The following CHID1 variants were observed in gnomAD, a reference collection of about 807,000 sequenced individuals.
CHID1 encodes chitinase domain containing 1.
CHID1 carries 44 observed loss-of-function variants against 55.4 expected under a neutral mutation model. That is an observed-to-expected ratio of 0.79 (90% CI 0.62 to 1.02). The LOEUF (loss-of-function observed/expected upper bound fraction) is 1.02. Ranked by LOEUF, CHID1 falls within the 50% of genes least tolerant of loss-of-function variation. CHID1 has a pLI of 0.00. For missense variants in CHID1, 491 were observed against 515.3 expected, an observed-to-expected ratio of 0.95 and a Z score of 0.46; for synonymous variants, 216 against 212.9, an observed-to-expected ratio of 1.01 and a Z score of -0.13.
chr11:876,046 G>C (rs1343949519), intron 10 of CHID1, among the ~76,000 whole-genome samples: 1 of 152,194 alleles, frequency 6.6e-6, no homozygotes, highest in Non-Finnish European at 1.5e-5. Context: ...GCTAATAAGT[G>C]AGATTTCAGC....
At chr11:908,565 G>A (rs950746566) in intron 1 of CHID1, 43 of 985,262 alleles carry the variant, frequency 4.4e-5, no homozygotes, top group Non-Finnish European at 5.1e-5. Context: ...AACGGTGGCT[G>A]CCTCAGCTCC....
At chr11:888,221 A>C (rs942476262) in intron 8 of CHID1, among the ~76,000 whole-genome samples, 1 of 152,212 alleles carries the variant, frequency 6.6e-6, no homozygotes, top group Non-Finnish European at 1.5e-5. Flanking sequence ...TGGTAACACA[A>C]CACGAGGGAA....
intron 4 of CHID1, among the ~76,000 whole-genome samples, chr11:901,192 C>T (rs1851783074): frequency 6.6e-6 from 1 of 152,156 alleles, no homozygotes; most frequent in African/African-American, 2.4e-5. Flanking sequence ...GGCCAAGGCC[C>T]CCTTCCTGAC....
intron 10 of CHID1, chr11:870,756 C>A: frequency 2.2e-6 from 1 of 458,362 alleles, no homozygotes; most frequent in East Asian, 3.8e-5. Flanking sequence ...TTTCAGTGGC[C>A]TGGAGAGTGA....
upstream of CHID1, among the ~76,000 whole-genome samples, chr11:913,499 G>A (rs545551085): frequency 2.1e-4 from 32 of 152,124 alleles, no homozygotes; most frequent in African/African-American, 6.5e-4. Context: ...CAGGCCAGGC[G>A]CAGTGGCTCA....
chr11:897,955 C>G (rs1851501985), intron 7 of CHID1, among the ~76,000 whole-genome samples: 1 of 152,194 alleles, frequency 6.6e-6, no homozygotes, highest in Admixed American at 6.5e-5. Flanking sequence ...CAGGGCTCTT[C>G]TGGAGCCGGG....
intron 2 of CHID1, 104 bp downstream of exon 2, chr11:904,602 C>T (rs939251957): frequency 3.0e-5 from 42 of 1,380,678 alleles, no homozygotes; most frequent in African/African-American, 2.4e-4. Context: ...AGGAGCCAAG[C>T]CCCTCGAGCC....
upstream of CHID1, among the ~76,000 whole-genome samples, chr11:913,959 T>C (rs1852824898): frequency 6.6e-6 from 1 of 151,224 alleles, no homozygotes; most frequent in Non-Finnish European, 1.5e-5. Context: ...TCTCAGCTCC[T>C]CAGGAGGCTG....
At chr11:889,040 G>A (rs1268972599) in intron 8 of CHID1, among the ~76,000 whole-genome samples, 1 of 152,184 alleles carries the variant, frequency 6.6e-6, no homozygotes, top group Non-Finnish European at 1.5e-5. Flanking sequence ...AGGGCCCTGG[G>A]GGTGCACTGC....
upstream of CHID1, chr11:915,197 C>G (rs1852866655): frequency 6.5e-6 from 1 of 152,736 alleles, no homozygotes; most frequent in Non-Finnish European, 1.5e-5. Context: ...AGTGCCAGAG[C>G]CAGCACAGCA....
chr11:888,967 G>A (rs182303906), intron 8 of CHID1, among the ~76,000 whole-genome samples: 3 of 152,310 alleles, frequency 2.0e-5, no homozygotes, highest in East Asian at 1.9e-4. Flanking sequence ...GGCTGGACGC[G>A]CTCTGCTCTT....
At position 903,827 on chromosome 11, in the gene CHID1, GC is replaced by G. The variant is rs1367903254; in HGVS notation, c.112-717del. On this transcript the variant is annotated intron_variant, in intron 2 of 12. Coordinates refer to ENST00000323578, the MANE Select transcript of CHID1 (RefSeq NM_023947.4). Reference sequence around the variant, plus strand: ...ATGCCAGGCACACGCCACCATGCTGGCCAACCACTGCCTGCCACCGCCCCCG... The same window carrying G: ...ATGCCAGGCACACGCCACCATGCTGGCAACCACTGCCTGCCACCGCCCCCG... 13 of 189,692 alleles carry G rather than the reference GC, an allele frequency of 6.9e-5. No homozygotes were observed. The Middle Eastern group carries it at 3.2e-3, about 47-fold the overall frequency. The allele number at this position is 189,692 out of a possible 1,614,324, so 11.8% of individuals were successfully genotyped here.
At chr11:914,789 T>C (rs1852855341), upstream of CHID1, 1 of 345,806 alleles carries the variant, frequency 2.9e-6, no homozygotes, top group Non-Finnish European at 5.7e-6. Flanking sequence ...CCTTTGGGGC[T>C]GGGTTTGTGT....
intron 10 of CHID1, among the ~76,000 whole-genome samples, chr11:874,323 C>T (rs1163008703): frequency 1.3e-5 from 2 of 152,148 alleles, no homozygotes; most frequent in Non-Finnish European, 2.9e-5. Context: ...ATTAGCCAGG[C>T]ATGGTGGCAC....
In CHID1 at chr11:870,182, G is replaced by A. The variant is rs759370428; in HGVS notation, c.1041-19C>T. ...GCGGCTCCTGCAAGACAAAGGGACT[G>A]TCAGCCCATCCGCTCTGCTGGTTCC... is the stretch of plus-strand genomic sequence containing the variant. On this transcript the variant is annotated intron_variant, in intron 11 of 12. Transcript: ENST00000323578. 3 of 1,613,120 alleles carry A rather than the reference G, an allele frequency of 1.9e-6. No homozygotes were observed. Among genetic ancestry groups the A allele is most frequent in the South Asian group, 1.1e-5 (1 of 91,084 alleles).
chr11:885,559 C>T (rs967626077), intron 8 of CHID1, among the ~76,000 whole-genome samples: 1 of 152,152 alleles, frequency 6.6e-6, no homozygotes, highest in Non-Finnish European at 1.5e-5. Flanking sequence ...CACCTCCCAG[C>T]ACTATGCCCA....
In CHID1 at chr11:875,983, G is replaced by T. The variant is rs1849488069; in HGVS notation, c.960-5484C>A. On this transcript the variant is annotated intron_variant, in intron 10 of 12. Coordinates refer to ENST00000323578, the MANE Select transcript of CHID1 (RefSeq NM_023947.4). The surrounding 1 kb of genome is among the most constrained non-coding windows in gnomAD (Gnocchi z 4.7). ...CGCCGCATTGCTTGGCGGTGCACGT[G>T]GTGTGTGGGGGCATGTGAGGCTGGG... 6.6e-6 allele frequency among the ~76,000 whole-genome samples: 1 copy of T among 152,158 alleles called. No homozygotes were observed. The highest frequency in any genetic ancestry group is 2.4e-5 in the African/African-American group (1 of 41,428).
upstream of CHID1, chr11:910,880 C>A: frequency 9.5e-7 from 1 of 1,055,172 alleles, no homozygotes; most frequent in Non-Finnish European, 1.2e-6. Flanking sequence ...GCGCACGGCA[C>A]GCTGGGATGG....
chr11:894,582 C>T (rs1311964451), intron 7 of CHID1, among the ~76,000 whole-genome samples: 1 of 152,222 alleles, frequency 6.6e-6, no homozygotes, highest in Non-Finnish European at 1.5e-5. Context: ...GAGACTGTCA[C>T]TCTCACGCTG....
Sources: allele counts gnomAD v4.1 joint callset (sites outside exome capture counted in the v4.1 genomes callset), GRCh38; gene constraint gnomAD v4.1.1; non-coding constraint Gnocchi (gnomAD v3.1); transcripts MANE v1.5; gene names NCBI Gene and HGNC (gene_info 2026-07-23, HGNC 2026-07-21).